The following RIMS3 variants were observed in gnomAD, a reference collection of about 807,000 sequenced individuals.
RIMS3 encodes the protein regulating synaptic membrane exocytosis protein 3.
Under a neutral mutation model 29.2 loss-of-function variants are expected in RIMS3, and 15 were observed. The observed-to-expected ratio is 0.51, with a 90% CI of 0.34 to 0.79. The LOEUF is 0.79. RIMS3 is among the 30% of genes least tolerant of loss of function. The probability of loss-of-function intolerance (pLI) is 0.01; values close to 1 mark genes in which losing one functional copy is unlikely to be tolerated. For synonymous variants in RIMS3, 161 were observed against 170.1 expected (o/e 0.95, Z 0.41); for missense variants, 342 against 421.4 (o/e 0.81, Z 1.65).
chr1:40,628,268 A>G (rs1570169238), intron 7 of RIMS3, among the ~76,000 whole-genome samples: 1 of 152,246 alleles, frequency 6.6e-6, no homozygotes, highest in African/African-American at 2.4e-5. Context: ...TGAAACGAGC[A>G]TGAAGATCCC....
At chr1:40,643,779 T>G (rs1646576470) in intron 2 of RIMS3, among the ~76,000 whole-genome samples, 1 of 152,148 alleles carries the variant, frequency 6.6e-6, no homozygotes, top group East Asian at 1.9e-4. Context: ...ACGCCCAGCC[T>G]AAGCATCTTT....
rs1309845272 is a variant in RIMS3 at position 40,636,227 on chromosome 1, C to T, written c.218-170G>A. On this transcript the variant is annotated intron_variant, in intron 3 of 7. Transcript: ENST00000372684. The surrounding 1 kb of genome is among the most constrained non-coding windows in gnomAD (Gnocchi z 4.2). ...TGGCTGAGCTGACCTCAGAGCTGGT[C>T]TGCAGCCTGACACCTGGCCCTGCTC... 6.6e-6 allele frequency among the ~76,000 whole-genome samples: 1 copy of T among 152,138 alleles called. No homozygotes were observed. Among genetic ancestry groups the T allele is most frequent in the Non-Finnish European group, 1.5e-5 (1 of 68,026 alleles).
the RIMS3 span, among the ~76,000 whole-genome samples, chr1:40,682,788 T>C: frequency 7.3e-6 from 1 of 137,338 alleles, no homozygotes; most frequent in Admixed American, 7.4e-5. Context: ...TCAACCAGGC[T>C]GGAGTGCAGT....
chr1:40,645,126 C>A (rs1197919123), intron 2 of RIMS3, among the ~76,000 whole-genome samples: 2 of 152,156 alleles, frequency 1.3e-5, no homozygotes, highest in African/African-American at 4.8e-5. Flanking sequence ...ATTTCTCTAT[C>A]CCCCATCAAC....
upstream of RIMS3, among the ~76,000 whole-genome samples, chr1:40,668,012 GGAGGCC>G (rs1374211371): frequency 1.3e-5 from 2 of 152,058 alleles, no homozygotes; most frequent in Non-Finnish European, 2.9e-5. Flanking sequence ...CAGCACTTTG[GGAGGCC>G]GAGGCAGGCG....
chr1:40,628,750 T>C, intron 7 of RIMS3, 60 bp downstream of exon 7: 1 of 1,611,522 alleles, frequency 6.2e-7, no homozygotes, highest in South Asian at 1.1e-5. Flanking sequence ...AATGAAAAAC[T>C]TTAAATTACA....
chr1:40,640,655 G>A (rs1359886711), intron 3 of RIMS3, among the ~76,000 whole-genome samples: 1 of 152,222 alleles, frequency 6.6e-6, no homozygotes, highest in Non-Finnish European at 1.5e-5. Context: ...ACCACAAAGT[G>A]AGGAGGTCTT....
intron 1 of RIMS3, among the ~76,000 whole-genome samples, chr1:40,663,985 G>C (rs1277800538): frequency 6.6e-6 from 1 of 152,154 alleles, no homozygotes; most frequent in Non-Finnish European, 1.5e-5. Context: ...TCTCAGAGAG[G>C]GGAAGTGATT....
intron 3 of RIMS3, among the ~76,000 whole-genome samples, chr1:40,637,928 C>T (rs1406558085): frequency 2.0e-5 from 3 of 152,298 alleles, no homozygotes; most frequent in East Asian, 1.9e-4. Flanking sequence ...GGGGCTCCCT[C>T]GCCTTCATAT....
rs1194505805 is a variant in RIMS3, at chr1:40,626,539, G to A, written c.905C>T (p.Ala302Val). 1 of 1,610,338 alleles carries A rather than the reference G, an allele frequency of 6.2e-7. No homozygotes were observed. The highest frequency in any genetic ancestry group is 1.3e-5 in the African/African-American group (1 of 74,986). Residue 302 changes from alanine to valine, a missense_variant, in exon 8 of 8, where the codon GCC (alanine) becomes GTC (valine). Ala to Val is a moderately conservative substitution (Grantham distance 64). Transcript: ENST00000372684. The stretch of plus-strand genomic sequence containing the variant: ...TCCTTAAGAGCATGAGGGGCTGGTG[G>A]CACTCTCCAGGGAAGACTGGGACAG... ...RRLSQSSLES[A>V]TSPSCS
intron 1 of RIMS3, among the ~76,000 whole-genome samples, chr1:40,655,792 G>A (rs918787723): frequency 5.9e-5 from 9 of 152,180 alleles, no homozygotes; most frequent in Non-Finnish European, 1.2e-4. Context: ...ATCACTTGAG[G>A]TCAGGAGTTC....
intron 1 of RIMS3, among the ~76,000 whole-genome samples, chr1:40,656,778 C>G (rs563892897): frequency 2.2e-5 from 3 of 139,382 alleles, no homozygotes; most frequent in Admixed American, 2.1e-4. Context: ...AGCGAAACTC[C>G]GTCTCAAAAA....
chr1:40,643,551 A>T (rs1390311231), intron 2 of RIMS3, among the ~76,000 whole-genome samples: 1 of 144,060 alleles, frequency 6.9e-6, no homozygotes, highest in African/African-American at 2.6e-5. Context: ...ATCTCGACTC[A>T]CTGGAACCTC....
chr1:40,682,110 A>G, the RIMS3 span, among the ~76,000 whole-genome samples: 1 of 152,332 alleles, frequency 6.6e-6, no homozygotes. Context: ...CTGGGATTAC[A>G]GGCATGAGCC....
Position 40,641,824 on chromosome 1 carries a change from C to T in RIMS3, c.102G>A (p.Gly34=), listed in dbSNP as rs772097874. The T allele has an allele frequency of 6.2e-7, 1 of 1,613,076 alleles. No individual in the cohort carries two copies. The highest frequency in any genetic ancestry group is 8.5e-7 in the Non-Finnish European group (1 of 1,179,084). Residue 34 remains glycine, a synonymous_variant, in exon 3 of 8, where the codon GGG becomes GGA. Transcript: ENST00000372684. ...SGEICGSQQA[G]GGAGTTTAKK... ...TGGCGGTGGTGGTCCCAGCCCCGCCCCCGGCTTGCTGGGATCCGCAGATTT... is the reference window on the plus strand; with the variant it reads ...TGGCGGTGGTGGTCCCAGCCCCGCCTCCGGCTTGCTGGGATCCGCAGATTT...
In RIMS3 at chr1:40,650,257, C is replaced by T. The variant is rs1646623272; in HGVS notation, c.-206-2415G>A. The stretch of plus-strand genomic sequence containing the variant: ...TGCCCCCTTCCCAGGACAGGGTCAC[C>T]ATGGGCCTTCACTGGGCTGGGGGCT... On this transcript the variant is annotated intron_variant, in intron 1 of 7. Coordinates refer to ENST00000372684, the MANE Select transcript of RIMS3 (RefSeq NM_014747.3). 3.3e-5 allele frequency among the ~76,000 whole-genome samples: 5 copies of T among 152,210 alleles called. No individual in the cohort carries two copies. The South Asian group carries it at 1.0e-3, about 32-fold the overall frequency.
chr1:40,640,614 T>C (rs892660701), intron 3 of RIMS3, among the ~76,000 whole-genome samples: 3 of 152,064 alleles, frequency 2.0e-5, no homozygotes, highest in Non-Finnish European at 4.4e-5. Context: ...GAAGAGATTT[T>C]AAAACAAAAC....
upstream of RIMS3, among the ~76,000 whole-genome samples, chr1:40,666,047 G>A (rs1038866241): frequency 6.6e-6 from 1 of 152,210 alleles, no homozygotes; most frequent in African/African-American, 2.4e-5. Context: ...TTCCAGGAAC[G>A]TCAGATGGTA....
intron 3 of RIMS3, 32 bp downstream of exon 3, chr1:40,641,677 C>T: frequency 1.2e-6 from 2 of 1,607,864 alleles, no homozygotes. Context: ...GTGTCCCCCA[C>T]CTCTACCCCG....
Sources: allele counts gnomAD v4.1 joint callset (sites outside exome capture counted in the v4.1 genomes callset), GRCh38; gene constraint gnomAD v4.1.1; non-coding constraint Gnocchi (gnomAD v3.1); transcripts MANE v1.5; gene names NCBI Gene and HGNC (gene_info 2026-07-23, HGNC 2026-07-21).